DPYSL5: variants seen among roughly 807,000 people sequenced by gnomAD.
DPYSL5 encodes the protein dihydropyrimidinase-related protein 5.
In DPYSL5, 9 loss-of-function variants were observed where a neutral mutation model predicts 58.4. The ratio of observed to expected loss-of-function variants is 0.15; its 90% CI spans 0.09 to 0.27. DPYSL5 has a LOEUF of 0.27. DPYSL5 is among the 10% of genes least tolerant of loss of function. The probability of loss-of-function intolerance (pLI) is 1.00; values close to 1 mark genes in which losing one functional copy is unlikely to be tolerated. For synonymous variants in DPYSL5, 293 were observed against 301.9 expected (o/e 0.97, Z 0.31); for missense variants, 499 against 770.6 (o/e 0.65, Z 4.17).
chr2:26,874,021 C>G (rs1278976536), intron 1 of DPYSL5, among the ~76,000 whole-genome samples: 1 of 152,086 alleles, frequency 6.6e-6, no homozygotes, highest in Non-Finnish European at 1.5e-5. Flanking sequence ...TTATGTTGAG[C>G]ATTTTTTTTA....
rs149642423 is a variant in DPYSL5 at position 26,932,048 on chromosome 2, GGAAAGAAAGAAAGAAA to G, written c.714+385_714+400del. Among the ~76,000 whole-genome samples, 54 of 47,628 alleles carry G rather than the reference GGAAAGAAAGAAAGAAA, an allele frequency of 1.1e-3. 2 individuals carry two copies. Among genetic ancestry groups the G allele is most frequent in the Middle Eastern group, 0.011 (1 of 94 alleles). 31.2% of individuals were successfully genotyped at this position (47,628 alleles called of 152,430 possible). A position where few individuals can be genotyped will look rare whatever the true frequency, so the allele number is the denominator to read the frequency against. The stretch of plus-strand genomic sequence containing the variant: ...AAAGAAAGAAAAGAAAAGAAAGAAA[GGAAAGAAAGAAAGAAA>G]GAAAGAAAGAAAGAAAGAAAAGAAA... On this transcript the variant is annotated intron_variant, in intron 6 of 12. Coordinates refer to ENST00000288699, the MANE Select transcript of DPYSL5 (RefSeq NM_020134.4).
intron 9 of DPYSL5, among the ~76,000 whole-genome samples, chr2:26,940,944 T>TA (rs200152358): frequency 0.015 from 2,190 of 141,456 alleles, 51 homozygotes; most frequent in African/African-American, 0.053. Flanking sequence ...ATTATTTATT[T>TA]TTTTTTGTGT....
rs1664774440 is a variant in DPYSL5 at position 26,924,363 on chromosome 2, A to G, written c.262-524A>G. On this transcript the variant is annotated intron_variant, in intron 2 of 12. Coordinates refer to ENST00000288699, the MANE Select transcript of DPYSL5 (RefSeq NM_020134.4). This position sits in a 1 kb window ranked among gnomAD's most constrained non-coding sequence, Gnocchi z 4.7. ...GAACAAAATTGCTTCATGAAATTTG[A>G]GAGCATAAAACAAAACAATATATCC... Among the ~76,000 whole-genome samples, 1 of 152,260 alleles carries G rather than the reference A, an allele frequency of 6.6e-6. No homozygotes were observed. The highest frequency in any genetic ancestry group is 1.5e-5 in the Non-Finnish European group (1 of 68,046).
chr2:26,861,028 T>A (rs967963223), intron 1 of DPYSL5, among the ~76,000 whole-genome samples: 2 of 152,174 alleles, frequency 1.3e-5, no homozygotes, highest in African/African-American at 4.8e-5. Context: ...GCTCACCCTG[T>A]CAGAGACTCA....
chr2:26,899,715 C>T (rs1428270130), intron 2 of DPYSL5, among the ~76,000 whole-genome samples: 1 of 152,180 alleles, frequency 6.6e-6, no homozygotes, highest in Non-Finnish European at 1.5e-5. Flanking sequence ...AGACCAGACC[C>T]TTGGAAGGCT....
rs73921414 is a variant in DPYSL5, at chr2:26,939,746, C to T, written c.948-285C>T. The T allele has an allele frequency of 2.6e-3, 888 of 345,526 alleles. 8 individuals are homozygous for T. The highest frequency in any genetic ancestry group is 0.017 in the African/African-American group (825 of 48,084). The allele number at this position is 345,526 out of a possible 1,614,324, so 21.4% of individuals were successfully genotyped here. ...TCTCACTTCAGCTAGACTCTAAGTT[C>T]GGCTTTTCTCTGCTATCTTCACTCT... On this transcript the variant is annotated intron_variant, in intron 8 of 12. Transcript: ENST00000288699.
At chr2:26,901,399 C>T (rs1225081633) in intron 2 of DPYSL5, among the ~76,000 whole-genome samples, 3 of 152,176 alleles carry the variant, frequency 2.0e-5, no homozygotes, top group East Asian at 3.9e-4. Flanking sequence ...CCCTCCACTC[C>T]ACACCAAGAT....
intron 1 of DPYSL5, among the ~76,000 whole-genome samples, chr2:26,861,920 C>G (rs1666027786): frequency 6.6e-6 from 1 of 152,160 alleles, no homozygotes; most frequent in African/African-American, 2.4e-5. Context: ...TTTGGAGACT[C>G]TTTTTGCTTG....
chr2:26,853,664 A>G (rs1665808129), intron 1 of DPYSL5, among the ~76,000 whole-genome samples: 1 of 152,212 alleles, frequency 6.6e-6, no homozygotes, highest in Non-Finnish European at 1.5e-5. Flanking sequence ...GGCAAGTCCC[A>G]TATCTGTAGG....
At chr2:26,938,235 C>G (rs1665232519) in intron 8 of DPYSL5, among the ~76,000 whole-genome samples, 1 of 152,210 alleles carries the variant, frequency 6.6e-6, no homozygotes, top group Non-Finnish European at 1.5e-5. Context: ...TTTCAGAAAG[C>G]TGGGTGCTCA....
At chr2:26,935,152 G>A (rs1391677290) in intron 8 of DPYSL5, among the ~76,000 whole-genome samples, 3 of 151,944 alleles carry the variant, frequency 2.0e-5, no homozygotes, top group Admixed American at 2.0e-4. Context: ...CTCCTTCTGT[G>A]GGTTTCTCCT....
chr2:26,894,984 G>T (rs1285429354), intron 1 of DPYSL5, among the ~76,000 whole-genome samples: 4 of 152,166 alleles, frequency 2.6e-5, no homozygotes, highest in Non-Finnish European at 5.9e-5. Context: ...TTTTATATAA[G>T]ATTTTAGGTT....
chr2:26,895,166 G>C (rs1042749315), intron 1 of DPYSL5, among the ~76,000 whole-genome samples: 4 of 152,214 alleles, frequency 2.6e-5, no homozygotes, highest in Admixed American at 2.6e-4. Flanking sequence ...GAATCAAGTA[G>C]ACTGATTCCT....
chr2:26,940,465 A>G (rs11126782), intron 9 of DPYSL5, among the ~76,000 whole-genome samples: 142,740 of 147,112 alleles, frequency 0.97, 69,411 homozygotes, highest in East Asian at 1. Context: ...ACATTTTAAT[A>G]TATTTCTTTC....
chr2:26,944,901 G>C lies in DPYSL5; in HGVS notation c.1609+77G>C. 1.4e-6 allele frequency: 2 copies of C among 1,445,578 alleles called. No individual in the cohort carries two copies. Among genetic ancestry groups the C allele is most frequent in the Non-Finnish European group, 1.9e-6 (2 of 1,052,718 alleles). The allele number at this position is 1,445,578 out of a possible 1,614,324, so 89.5% of individuals were successfully genotyped here. ...CACCTAGGCAGTGGGACTTACGCCT[G>C]CTTTTCTTTTGTGTCCTCTCCTCCC... On this transcript the variant is annotated intron_variant, in intron 12 of 12. Coordinates refer to ENST00000288699, the MANE Select transcript of DPYSL5 (RefSeq NM_020134.4). The surrounding 1 kb of genome is among the most constrained non-coding windows in gnomAD (Gnocchi z 4.4).
At chr2:26,858,323 C>T (rs1665930015) in intron 1 of DPYSL5, among the ~76,000 whole-genome samples, 2 of 152,006 alleles carry the variant, frequency 1.3e-5, no homozygotes. Context: ...AGGCACGCGC[C>T]ACCAAGCCCG....
rs546262417 is a variant in DPYSL5, at chr2:26,936,688, G to C, written c.947+1954G>C. ...TTGTTTTGGCTGGGCATGGTGGCTC[G>C]CACCTGTAATCCCAGCACTTTGGGA... is the stretch of plus-strand genomic sequence containing the variant. On this transcript the variant is annotated intron_variant, in intron 8 of 12. Transcript: ENST00000288699. 1.5e-3 allele frequency among the ~76,000 whole-genome samples: 223 copies of C among 152,130 alleles called. 1 individual carries two copies. The highest frequency in any genetic ancestry group is 3.4e-3 in the Admixed American group (52 of 15,272).
chr2:26,923,405 A>C (rs998516527), intron 2 of DPYSL5, among the ~76,000 whole-genome samples: 14 of 152,244 alleles, frequency 9.2e-5, no homozygotes, highest in Non-Finnish European at 1.8e-4. Context: ...CATCTGTTCC[A>C]TAAGCAATGT....
chr2:26,879,656 G>A (rs564404841), intron 1 of DPYSL5, among the ~76,000 whole-genome samples: 3 of 152,184 alleles, frequency 2.0e-5, no homozygotes, highest in South Asian at 4.2e-4. Flanking sequence ...TCCCAGCCCC[G>A]GACACATGCA....
Sources: allele counts gnomAD v4.1 joint callset (sites outside exome capture counted in the v4.1 genomes callset), GRCh38; gene constraint gnomAD v4.1.1; non-coding constraint Gnocchi (gnomAD v3.1); transcripts MANE v1.5; gene names NCBI Gene and HGNC (gene_info 2026-07-23, HGNC 2026-07-21).